SCIN: variants seen among roughly 807,000 people sequenced by gnomAD.
The protein encoded by SCIN is scinderin.
Under a neutral mutation model 91.8 loss-of-function variants are expected in SCIN, and 91 were observed. The observed-to-expected ratio is 0.99, with a 90% CI of 0.84 to 1.18. SCIN has a LOEUF of 1.18. Among genes scored for constraint, SCIN ranks in the 50% most tolerant of loss-of-function variants. The pLI, the probability that SCIN is intolerant of heterozygous loss-of-function variation, is 0.00. For missense variants in SCIN, 1,087 were observed against 863.9 expected, an observed-to-expected ratio of 1.26 and a Z score of -3.24; for synonymous variants, 367 against 312.6, an observed-to-expected ratio of 1.17 and a Z score of -1.84.
At chr7:12,652,402 C>T (rs1784098323) in intron 15 of SCIN, among the ~76,000 whole-genome samples, 186 bp from the exon 16 acceptor site, 1 of 152,150 alleles carries the variant, frequency 6.6e-6, no homozygotes, top group Non-Finnish European at 1.5e-5. Flanking sequence ...TCTACCTGGT[C>T]AATGGAAATT....
At position 12,652,819 on chromosome 7, in the gene SCIN, T is replaced by TG. The variant is rs1351284809; in HGVS notation, c.*104_*105insG. On this transcript the variant is annotated 3_prime_UTR_variant, in exon 16 of 16. Coordinates refer to ENST00000297029, the MANE Select transcript of SCIN (RefSeq NM_001112706.3). Reference sequence around the variant, plus strand: ...TTTTGCTTATTTGTCTTTTGAAAATTAAGGCTGGGCGCGGTGGCTCACACC... The same window carrying TG: ...TTTTGCTTATTTGTCTTTTGAAAATTGAAGGCTGGGCGCGGTGGCTCACACC... 6.9e-7 allele frequency: 1 copy of TG among 1,454,964 alleles called. No homozygotes were observed. The highest frequency in any genetic ancestry group is 1.5e-5 in the African/African-American group (1 of 67,910). 90.1% of individuals were successfully genotyped at this position (1,454,964 alleles called of 1,614,324 possible). A position where few individuals can be genotyped will look rare whatever the true frequency, so the allele number is the denominator to read the frequency against.
intron 11 of SCIN, among the ~76,000 whole-genome samples, chr7:12,641,203 A>G (rs575199426): frequency 6.6e-6 from 1 of 152,186 alleles, no homozygotes; most frequent in South Asian, 2.1e-4. Flanking sequence ...TGCCCTCCAT[A>G]CAAGTCAATC....
At chr7:12,646,563 T>C (rs553225312) in intron 13 of SCIN, among the ~76,000 whole-genome samples, 2 of 152,300 alleles carry the variant, frequency 1.3e-5, no homozygotes, top group East Asian at 3.9e-4. Flanking sequence ...GGAGTGATTT[T>C]ACACTAGGCT....
intron 1 of SCIN, among the ~76,000 whole-genome samples, chr7:12,577,359 A>T (rs1320855448): frequency 6.6e-6 from 1 of 152,184 alleles, no homozygotes; most frequent in Admixed American, 6.5e-5. Flanking sequence ...ATCAGTTAAC[A>T]TATTGACATA....
chr7:12,629,165 G>T lies in SCIN; in HGVS notation c.1262G>T (p.Gly421Val). 3.1e-6 allele frequency: 5 copies of T among 1,613,072 alleles called. No homozygotes were observed. Among genetic ancestry groups the T allele is most frequent in the Non-Finnish European group, 4.2e-6 (5 of 1,179,248 alleles). ...VDQNSYGEFYGGDCYIILYTY... is the reference protein window; with the variant it reads ...VDQNSYGEFYVGDCYIILYTY... The stretch of plus-strand genomic sequence containing the variant: ...CAAAACTCATATGGTGAATTCTATG[G>T]TGGTGACTGCTACATCATACTCTAC... Residue 421 changes from glycine to valine, a missense_variant, in exon 9 of 16, where the codon GGT (glycine) becomes GTT (valine). By Grantham distance (109) the Gly-to-Val change is moderately radical. Coordinates refer to ENST00000297029, the MANE Select transcript of SCIN (RefSeq NM_001112706.3).
chr7:12,652,440 C>T (rs1006430619), intron 15 of SCIN, 148 bp from the exon 16 acceptor site: 17 of 702,120 alleles, frequency 2.4e-5, no homozygotes, highest in East Asian at 1.5e-4. Context: ...GAATTGTATT[C>T]GAAGAATTTT....
chr7:12,571,353 A>C (rs1782267137), intron 1 of SCIN: 1 of 353,670 alleles, frequency 2.8e-6, no homozygotes. Flanking sequence ...AGCCCCGCTC[A>C]CCTTCCGACA....
chr7:12,615,273 A>G (rs1783274927), intron 4 of SCIN, among the ~76,000 whole-genome samples: 1 of 152,182 alleles, frequency 6.6e-6, no homozygotes, highest in African/African-American at 2.4e-5. Context: ...CCCAAATCTC[A>G]TCTGTAATTG....
chr7:12,599,286 C>A (rs1782907452), intron 3 of SCIN, among the ~76,000 whole-genome samples: 1 of 152,008 alleles, frequency 6.6e-6, no homozygotes, highest in African/African-American at 2.4e-5. Flanking sequence ...CTCAGACTTG[C>A]AGAGAAAATA....
At chr7:12,604,110 T>C (rs1583293340) in intron 3 of SCIN, among the ~76,000 whole-genome samples, 1 of 152,098 alleles carries the variant, frequency 6.6e-6, no homozygotes, top group East Asian at 1.9e-4. Context: ...CAACATGTAT[T>C]TGTCAATTTA....
intron 3 of SCIN, among the ~76,000 whole-genome samples, chr7:12,603,084 C>T (rs1782991213): frequency 6.6e-6 from 1 of 152,094 alleles, no homozygotes; most frequent in African/African-American, 2.4e-5. Context: ...TTTTATATCC[C>T]ATGTTCGAAT....
At position 12,653,392 on chromosome 7, in the gene SCIN, T is replaced by C. The variant is rs1784121070; in HGVS notation, c.*677T>C. 1.3e-5 allele frequency: 2 copies of C among 152,146 alleles called. No individual in the cohort carries two copies. Among genetic ancestry groups the C allele is most frequent in the African/African-American group, 4.8e-5 (2 of 41,420 alleles). The allele number at this position is 152,146 out of a possible 1,614,324, so 9.4% of individuals were successfully genotyped here. On this transcript the variant is annotated 3_prime_UTR_variant, in exon 16 of 16. Coordinates refer to ENST00000297029, the MANE Select transcript of SCIN (RefSeq NM_001112706.3). The surrounding 1 kb of genome is among the most constrained non-coding windows in gnomAD (Gnocchi z 4.1). ...GTTTTTTAACATGCCAGAGAAAAAG[T>C]TGTAATGCCTTGGAAGTTATTCTCT...
chr7:12,650,751 A>T (rs1784062925), intron 14 of SCIN, among the ~76,000 whole-genome samples: 2 of 152,210 alleles, frequency 1.3e-5, no homozygotes, highest in Admixed American at 1.3e-4. Flanking sequence ...TCAATTTTTT[A>T]AAAAACACAT....
At chr7:12,633,189 T>C (rs1274841088) in intron 9 of SCIN, among the ~76,000 whole-genome samples, 2 of 152,122 alleles carry the variant, frequency 1.3e-5, no homozygotes, top group Non-Finnish European at 2.9e-5. Flanking sequence ...ATTAAATCAA[T>C]TATGAAATCA....
At position 12,654,246 on chromosome 7, in the gene SCIN, C is replaced by A. The variant is rs1165315974; in HGVS notation, c.*1531C>A. 1.3e-5 allele frequency: 2 copies of A among 152,038 alleles called. No homozygotes were observed. Among genetic ancestry groups the A allele is most frequent in the Non-Finnish European group, 2.9e-5 (2 of 67,988 alleles). 9.4% of individuals were successfully genotyped at this position (152,038 alleles called of 1,614,324 possible). On this transcript the variant is annotated 3_prime_UTR_variant, in exon 16 of 16. Coordinates refer to ENST00000297029, the MANE Select transcript of SCIN (RefSeq NM_001112706.3). ...ATGGACTATGGTAGAAGCTGCTGTC[C>A]CTTAGTATTGAATATCTCTATTTTC... is the stretch of plus-strand genomic sequence containing the variant.
Position 12,635,804 on chromosome 7 carries a change from C to A in SCIN, c.1320-241C>A, listed in dbSNP as rs940321848. ...TTACTTAGCTAAATTATGTAAGAAGCAAAAGCTCAATTTCTTTAACATGGA... is the reference window on the plus strand; with the variant it reads ...TTACTTAGCTAAATTATGTAAGAAGAAAAAGCTCAATTTCTTTAACATGGA... On this transcript the variant is annotated intron_variant, in intron 9 of 15. Coordinates refer to ENST00000297029, the MANE Select transcript of SCIN (RefSeq NM_001112706.3). Among the ~76,000 whole-genome samples the A allele has an allele frequency of 7.2e-5, 11 of 151,806 alleles. No homozygotes were observed. In the East Asian group the frequency reaches 2.1e-3, roughly 30 times the overall value.
intron 10 of SCIN, among the ~76,000 whole-genome samples, chr7:12,639,425 A>G (rs945686756): frequency 6.6e-6 from 1 of 152,224 alleles, no homozygotes; most frequent in Non-Finnish European, 1.5e-5. Context: ...TAATGAGTAC[A>G]TGCATCAGCA....
At chr7:12,612,370 G>A (rs1264917965) in intron 4 of SCIN, among the ~76,000 whole-genome samples, 2 of 152,134 alleles carry the variant, frequency 1.3e-5, no homozygotes, top group South Asian at 2.1e-4. Context: ...AAATATATTC[G>A]CAACCCTCTC....
intron 4 of SCIN, among the ~76,000 whole-genome samples, chr7:12,620,669 A>G (rs946984976): frequency 6.6e-6 from 1 of 152,124 alleles, no homozygotes; most frequent in Non-Finnish European, 1.5e-5. Flanking sequence ...AGGAGATCCA[A>G]ATTGGAGGAG....
Sources: gnomAD v4.1 joint callset for allele counts (sites outside exome capture counted in the v4.1 genomes callset) on GRCh38, gnomAD v4.1.1 for gene constraint, Gnocchi (gnomAD v3.1) non-coding constraint, MANE v1.5 for transcripts, NCBI Gene and HGNC (gene_info 2026-07-23, HGNC 2026-07-21) for gene names.